Variants in PAK3 observed in about 807,000 individuals in gnomAD.
The protein encoded by PAK3 is p21 (RAC1) activated kinase 3, also known as serine/threonine-protein kinase PAK 3.
A neutral mutation model predicts 41.0 loss-of-function variants in PAK3; 4 were observed. The ratio of observed to expected loss-of-function variants is 0.10; its 90% CI spans 0.05 to 0.22. The LOEUF is 0.22. Ranked by LOEUF, PAK3 falls within the 10% of genes least tolerant of loss-of-function variation. The probability of loss-of-function intolerance (pLI) is 1.00; values close to 1 mark genes in which losing one functional copy is unlikely to be tolerated. For missense variants in PAK3, 205 were observed against 409.9 expected (o/e 0.50, Z 4.32); for synonymous variants, 146 against 139.6 (o/e 1.05, Z -0.32).
At chrX:111,067,940 C>T (rs1013360690) in intron 1 of PAK3, among the ~76,000 whole-genome samples, 2 of 110,953 alleles carry the variant, frequency 1.8e-5, no homozygotes, top group African/African-American at 6.5e-5. Flanking sequence ...TTGGAATTAC[C>T]CATAAAATGT....
chrX:111,098,331 CAA>C (rs3835301), intron 3 of PAK3, among the ~76,000 whole-genome samples: 4,792 of 89,700 alleles, frequency 0.053, 120 homozygotes, highest in African/African-American at 0.085. Context: ...GTGGCCAAGG[CAA>C]AAAAAAAAAA....
chrX:111,178,795 T>C (rs1014699901), intron 11 of PAK3, among the ~76,000 whole-genome samples: 1 of 109,711 alleles, frequency 9.1e-6, no homozygotes, highest in Non-Finnish European at 1.9e-5. Flanking sequence ...ACAAGTAGGG[T>C]TTATAAGAAG....
At chrX:111,116,526 T>A (rs1403555421) in intron 4 of PAK3, among the ~76,000 whole-genome samples, 1 of 112,183 alleles carries the variant, frequency 8.9e-6, no homozygotes, top group Non-Finnish European at 1.9e-5. Flanking sequence ...GAAAAATAAC[T>A]ATACTTAAGA....
intron 11 of PAK3, among the ~76,000 whole-genome samples, chrX:111,185,041 C>T (rs767419309): frequency 1.8e-5 from 2 of 111,833 alleles, no homozygotes; most frequent in Non-Finnish European, 3.8e-5. Flanking sequence ...TCCTATTTCT[C>T]CACATCCCCT....
At chrX:111,061,045 A>G (rs910397888) in intron 1 of PAK3, among the ~76,000 whole-genome samples, 24 of 111,314 alleles carry the variant, frequency 2.2e-4, no homozygotes, top group African/African-American at 7.5e-4. Flanking sequence ...CTATCTTGCT[A>G]TTGTGTTGAT....
intron 1 of PAK3, among the ~76,000 whole-genome samples, chrX:111,065,068 C>A (rs780648662): frequency 6.2e-5 from 7 of 112,301 alleles, no homozygotes; most frequent in African/African-American, 2.3e-4. Context: ...TGCCTAATTG[C>A]TCTGGCTAGG....
intron 1 of PAK3, among the ~76,000 whole-genome samples, chrX:111,033,142 A>AAC (rs898421228): frequency 1.7e-4 from 19 of 110,651 alleles, no homozygotes; most frequent in East Asian, 8.5e-4. Flanking sequence ...ACACAGGGGC[A>AAC]ACACACACAC....
intron 1 of PAK3, among the ~76,000 whole-genome samples, chrX:111,045,773 T>C (rs1275027810): frequency 9.0e-6 from 1 of 111,584 alleles, no homozygotes; most frequent in Non-Finnish European, 1.9e-5. Flanking sequence ...ACTGCTTCCA[T>C]GGCTGATTTC....
rs192115876 is a variant in PAK3 at position 111,117,346 on chromosome X, A to G, written c.-27-5731A>G. Among the ~76,000 whole-genome samples, 9 of 111,583 alleles carry G rather than the reference A, an allele frequency of 8.1e-5. No individual in the cohort carries two copies. The East Asian group carries it at 1.4e-3, about 18-fold the overall frequency. On this transcript the variant is annotated intron_variant, in intron 4 of 17. Coordinates refer to ENST00000372007, the MANE Select transcript of PAK3 (RefSeq NM_002578.5). ...AACTGATGAGTTTAGGAGCTGAGGG[A>G]TTGGATACTATTCTCAGTTTTTTCA...
In PAK3 at chrX:111,134,524, G is replaced by A. The variant is rs758809493; in HGVS notation, c.176-7572G>A. Reference sequence around the variant, plus strand: ...TTCATTAAACATTGAGTCAGATGCTGTGCTAGATAGGTGCTGGGGTACAAA... The same window carrying A: ...TTCATTAAACATTGAGTCAGATGCTATGCTAGATAGGTGCTGGGGTACAAA... On this transcript the variant is annotated intron_variant, in intron 5 of 17. Transcript: ENST00000372007. Among the ~76,000 whole-genome samples the A allele has an allele frequency of 9.8e-5, 11 of 111,923 alleles. No individual in the cohort carries two copies. The East Asian group carries it at 3.1e-3, about 32-fold the overall frequency.
intron 1 of PAK3, among the ~76,000 whole-genome samples, chrX:111,084,980 T>C (rs145427600): frequency 1.7e-3 from 185 of 111,724 alleles, no homozygotes; most frequent in African/African-American, 5.8e-3. Flanking sequence ...AGAAACAGCT[T>C]TGGGCTCTCA....
chrX:110,964,453 T>C (rs908848918), intron 1 of PAK3, among the ~76,000 whole-genome samples: 1 of 112,349 alleles, frequency 8.9e-6, no homozygotes, highest in African/African-American at 3.2e-5. Flanking sequence ...AGCAGGTCCA[T>C]GGACCACACT....
chrX:111,024,303 G>A (rs746811074), intron 1 of PAK3, among the ~76,000 whole-genome samples: 3 of 111,573 alleles, frequency 2.7e-5, no homozygotes, highest in Non-Finnish European at 5.6e-5. Context: ...TAGCCTTGTA[G>A]TATAGTTTGA....
chrX:111,173,855 A>C (rs781185151), intron 11 of PAK3, among the ~76,000 whole-genome samples: 26 of 111,721 alleles, frequency 2.3e-4, no homozygotes, highest in Non-Finnish European at 2.6e-4. Context: ...GGTGGATCTG[A>C]GCAGGCAACA....
chrX:110,970,788 A>G (rs999432641), intron 1 of PAK3, among the ~76,000 whole-genome samples: 4 of 112,328 alleles, frequency 3.6e-5, no homozygotes, highest in African/African-American at 1.3e-4. Flanking sequence ...TGGTTTTTGT[A>G]TGATGATATT....
chrX:111,053,451 G>A (rs2092577437), intron 1 of PAK3, among the ~76,000 whole-genome samples: 1 of 111,774 alleles, frequency 8.9e-6, no homozygotes, highest in Non-Finnish European at 1.9e-5. Context: ...TGATAGAAAG[G>A]TGTAGGCCAG....
At chrX:111,219,343 A>G (rs1164510142) in intron 17 of PAK3, among the ~76,000 whole-genome samples, 1 of 110,248 alleles carries the variant, frequency 9.1e-6, no homozygotes, top group Non-Finnish European at 1.9e-5. Context: ...TATCAAGTCA[A>G]TGGTAGCATT....
intron 1 of PAK3, among the ~76,000 whole-genome samples, chrX:110,978,295 T>G (rs2091377069): frequency 9.0e-6 from 1 of 111,713 alleles, no homozygotes; most frequent in African/African-American, 3.2e-5. Context: ...GCTATTTTTT[T>G]GTTTTTGTTT....
intron 1 of PAK3, among the ~76,000 whole-genome samples, chrX:110,988,318 G>A (rs1311620915): frequency 8.9e-6 from 1 of 111,811 alleles, no homozygotes; most frequent in Non-Finnish European, 1.9e-5. Context: ...TCAATTTAGT[G>A]GATAGTGACC....
Sources: gnomAD v4.1 joint callset for allele counts (sites outside exome capture counted in the v4.1 genomes callset) on GRCh38, gnomAD v4.1.1 for gene constraint, MANE v1.5 for transcripts, NCBI Gene and HGNC (gene_info 2026-07-23, HGNC 2026-07-21) for gene names.